MKNK2: variants seen among roughly 807,000 people sequenced by gnomAD.
The protein encoded by MKNK2 is MAP kinase-interacting serine/threonine-protein kinase 2.
Under a neutral mutation model 55.0 loss-of-function variants are expected in MKNK2, and 54 were observed. The observed-to-expected ratio is 0.98, with a 90% CI of 0.79 to 1.23. The LOEUF is 1.23. MKNK2 is among the 50% of genes most tolerant of loss of function. The pLI, the probability that MKNK2 is intolerant of heterozygous loss-of-function variation, is 0.00. For missense variants in MKNK2, 685 were observed against 632.1 expected, an observed-to-expected ratio of 1.08 and a Z score of -0.90; for synonymous variants, 323 against 256.0, an observed-to-expected ratio of 1.26 and a Z score of -2.50.
chr19:2,041,100 G>C lies in MKNK2; in HGVS notation c.1050C>G (p.Val350=). The change falls in exon 12 of 14, where the codon GTC becomes GTG. Residue 350 remains valine, a synonymous_variant. Transcript: ENST00000250896. The part of the protein sequence containing the change: ...AAKDLISKLL[V]RDAKQRLSAA... ...CACTCAGCCTCTGCTTGGCGTCACG[G>C]ACCAGCAGCTTGGAGATGAGGTCTT... is the stretch of plus-strand genomic sequence containing the variant. The C allele has an allele frequency of 1.9e-6, 3 of 1,614,056 alleles. No homozygotes were observed. Among genetic ancestry groups the C allele is most frequent in the Non-Finnish European group, 2.5e-6 (3 of 1,179,986 alleles).
rs1198864661 is a variant in MKNK2 at position 2,050,787 on chromosome 19, AC to A, written c.51+13del. 2.0e-6 allele frequency: 3 copies of A among 1,531,128 alleles called. No homozygotes were observed. The highest frequency in any genetic ancestry group is 2.6e-5 in the East Asian group (1 of 38,242). The allele number at this position is 1,531,128 out of a possible 1,614,324, so 94.8% of individuals were successfully genotyped here. On this transcript the variant is annotated intron_variant, in intron 2 of 13. Transcript: ENST00000250896. ...TCCAGCCCGGAGCGCCCCCAAACCGACCCCGGGCCTCACCTTGAACGAACGG... is the reference window on the plus strand; with the variant it reads ...TCCAGCCCGGAGCGCCCCCAAACCGACCCGGGCCTCACCTTGAACGAACGG...
chr19:2,045,419 G>A (rs902354648), intron 5 of MKNK2, among the ~76,000 whole-genome samples: 2 of 152,150 alleles, frequency 1.3e-5, no homozygotes. Flanking sequence ...CTGCCTGGGG[G>A]CTCCCAGGAG....
chr19:2,049,908 GACACAC>G, intron 2 of MKNK2, among the ~76,000 whole-genome samples: 1 of 151,978 alleles, frequency 6.6e-6, no homozygotes, highest in East Asian at 1.9e-4. Flanking sequence ...ACAAGACAGA[GACACAC>G]ACACACACAA....
At position 2,043,564 on chromosome 19, in the gene MKNK2, C is replaced by G; in HGVS notation, c.358G>C (p.Gly120Arg). The G allele has an allele frequency of 1.2e-6, 2 of 1,614,102 alleles. 1 individual carries two copies. Among genetic ancestry groups the G allele is most frequent in the Middle Eastern group, 3.3e-4 (2 of 6,062 alleles). Residue 120 changes from glycine (G) to arginine (R), a missense_variant, in exon 6 of 14, where the codon GGC (glycine) becomes CGC (arginine). Coordinates refer to ENST00000250896, the MANE Select transcript of MKNK2 (RefSeq NM_199054.3). ...YAVKIIEKQP[G>R]HIRSRVFREV... ...CTGAAAACCCTGCTCCGAATGTGGCCTGGCTGCTTCTCAATGATCTGAAAC... is the reference window on the plus strand; with the variant it reads ...CTGAAAACCCTGCTCCGAATGTGGCGTGGCTGCTTCTCAATGATCTGAAAC...
chr19:2,038,820 G>A lies in MKNK2; in HGVS notation c.*793C>T, dbSNP rs2287002. ...CGGTGGAAACGGCTTCGGGCCAGGC[G>A]GGGCTCCTGCTGTCTCAGGCCTTGG... On this transcript the variant is annotated 3_prime_UTR_variant, in exon 14 of 14. Transcript: ENST00000250896. 255,748 of 985,452 alleles carry A rather than the reference G, an allele frequency of 0.26. 35,522 individuals carry two copies. Among genetic ancestry groups the A allele is most frequent in the East Asian group, 0.51 (4,476 of 8,780 alleles). 61.0% of individuals were successfully genotyped at this position (985,452 alleles called of 1,614,324 possible).
chr19:2,046,171 G>T lies in MKNK2; in HGVS notation c.339+15C>A. On this transcript the variant is annotated intron_variant, in intron 5 of 13. Transcript: ENST00000250896. ...CCCAAGGCGCTGGGTTCCCCAGGGCGCGGCGCGGGCCCACCTTGACGGCGT... is the reference window on the plus strand; with the variant it reads ...CCCAAGGCGCTGGGTTCCCCAGGGCTCGGCGCGGGCCCACCTTGACGGCGT... The T allele has an allele frequency of 6.2e-7, 1 of 1,606,370 alleles. No homozygotes were observed. The highest frequency in any genetic ancestry group is 8.5e-7 in the Non-Finnish European group (1 of 1,179,038).
Position 2,037,963 on chromosome 19 carries a change from C to T in MKNK2, c.*1650G>A. ...TTTGATACAAAAAGGCAGAGAATCC[C>T]CCGTTACGAAACATGGAATCACTGA... On this transcript the variant is annotated 3_prime_UTR_variant, in exon 14 of 14. Coordinates refer to ENST00000250896, the MANE Select transcript of MKNK2 (RefSeq NM_199054.3). The T allele has an allele frequency of 2.2e-6, 3 of 1,382,610 alleles. No homozygotes were observed. Among genetic ancestry groups the T allele is most frequent in the Non-Finnish European group, 2.8e-6 (3 of 1,057,594 alleles). The allele number at this position is 1,382,610 out of a possible 1,614,324, so 85.6% of individuals were successfully genotyped here.
rs1464953872 is a variant in MKNK2 at position 2,041,084 on chromosome 19, T to C, written c.1066A>G (p.Arg356Gly). 6.2e-7 allele frequency: 1 copy of C among 1,614,018 alleles called. No individual in the cohort carries two copies. The highest frequency in any genetic ancestry group is 8.5e-7 in the Non-Finnish European group (1 of 1,179,946). ...SKLLVRDAKQ[R>G]LSAAQVLQHP... ...TGCAGGACTTGGGCGGCACTCAGCC[T>C]CTGCTTGGCGTCACGGACCAGCAGC... The change falls in exon 12 of 14, where the codon AGG (arginine) becomes GGG (glycine). Residue 356 changes from arginine (R) to glycine (G), a missense_variant. Physicochemically the swap from Arg to Gly is moderately radical, Grantham distance 125. Coordinates refer to ENST00000250896, the MANE Select transcript of MKNK2 (RefSeq NM_199054.3).
chr19:2,043,122 A>C lies in MKNK2; in HGVS notation c.493+2T>G, dbSNP rs1240896900. ...TCCTCACAGCCTGGAGCCCCCAGGT[A>C]CCTCCCCGCATCTTCTCAAACACCA... is the stretch of plus-strand genomic sequence containing the variant. On this transcript the variant is annotated splice_donor_variant, in intron 7 of 13. Transcript: ENST00000250896. LOFTEE classifies it high-confidence loss of function. 1 of 1,601,990 alleles carries C rather than the reference A, an allele frequency of 6.2e-7. No homozygotes were observed. Among genetic ancestry groups the C allele is most frequent in the Non-Finnish European group, 8.5e-7 (1 of 1,174,306 alleles).
Position 2,041,134 on chromosome 19 carries a change from CAGG to C in MKNK2, c.1013_1015del (p.Ser338del). On this transcript the variant is annotated inframe_deletion, in exon 12 of 14. Coordinates refer to ENST00000250896, the MANE Select transcript of MKNK2 (RefSeq NM_199054.3). ...CTTGGAGATGAGGTCTTTGGCAGCG[CAGG>C]AGATGTGGGCCCAGTCCTTGTCGGG... is the stretch of plus-strand genomic sequence containing the variant. 1.9e-6 allele frequency: 3 copies of C among 1,614,014 alleles called. No individual in the cohort carries two copies. The highest frequency in any genetic ancestry group is 2.5e-6 in the Non-Finnish European group (3 of 1,179,944).
Position 2,038,536 on chromosome 19 carries a change from C to A in MKNK2, c.*1077G>T. 1.0e-6 allele frequency: 1 copy of A among 985,650 alleles called. No homozygotes were observed. Among genetic ancestry groups the A allele is most frequent in the Non-Finnish European group, 1.2e-6 (1 of 830,056 alleles). 61.1% of individuals were successfully genotyped at this position (985,650 alleles called of 1,614,324 possible). ...GGTGCCCGAAGGGAGGCCGAGGCCG[C>A]AGCCGTTTTCCTGAAGGTGGCAGAC... On this transcript the variant is annotated 3_prime_UTR_variant, in exon 14 of 14. Coordinates refer to ENST00000250896, the MANE Select transcript of MKNK2 (RefSeq NM_199054.3).
At chr19:2,050,273 G>A (rs1267242477) in intron 2 of MKNK2, among the ~76,000 whole-genome samples, 1 of 152,206 alleles carries the variant, frequency 6.6e-6, no homozygotes, top group East Asian at 1.9e-4. Context: ...CCTCCCCCAC[G>A]GCACAGGCCC....
chr19:2,041,264 G>C lies in MKNK2; in HGVS notation c.946-60C>G, dbSNP rs930828389. 2.6e-6 allele frequency: 4 copies of C among 1,548,704 alleles called. 1 individual carries two copies. Among genetic ancestry groups the C allele is most frequent in the Admixed American group, 1.8e-5 (1 of 56,192 alleles). On this transcript the variant is annotated intron_variant, in intron 11 of 13. Transcript: ENST00000250896. ...CCCAAGGGCCTGGATACTGTGCACT[G>C]ACACGTGGCTCCAACCGGACCCCAA...
rs1361466051 is a variant in MKNK2 at position 2,041,981 on chromosome 19, C to T, written c.804G>A (p.Glu268=). Residue 268 remains glutamate (E), a synonymous_variant, in exon 11 of 14, where the codon GAG becomes GAA. Transcript: ENST00000250896. ...CGCAGCGCTTGTCGTAGATGCTAGC[C>T]TCCTCGCTGAAGGCCTCCACTACCT... ...APEVVEAFSE[E]ASIYDKRCDL... 6.4e-7 allele frequency: 1 copy of T among 1,560,678 alleles called. No individual in the cohort carries two copies. The highest frequency in any genetic ancestry group is 8.7e-7 in the Non-Finnish European group (1 of 1,153,386).
Position 2,038,719 on chromosome 19 carries a change from C to T in MKNK2, c.*894G>A. Reference sequence around the variant, plus strand: ...TCAGACTGAGCCCTGAGAAGGGGCACTCGGGTGCCCCAAGGGGGTGTCTTC... The same window carrying T: ...TCAGACTGAGCCCTGAGAAGGGGCATTCGGGTGCCCCAAGGGGGTGTCTTC... On this transcript the variant is annotated 3_prime_UTR_variant, in exon 14 of 14. Transcript: ENST00000250896. 1 of 985,588 alleles carries T rather than the reference C, an allele frequency of 1.0e-6. No homozygotes were observed. Among genetic ancestry groups the T allele is most frequent in the Non-Finnish European group, 1.2e-6 (1 of 829,990 alleles). 61.1% of individuals were successfully genotyped at this position (985,588 alleles called of 1,614,324 possible).
Position 2,041,063 on chromosome 19 carries a change from G to C in MKNK2, c.1087C>G (p.Leu363Val), listed in dbSNP as rs1434650691. The change falls in exon 12 of 14, where the codon CTG (leucine) becomes GTG (valine). Residue 363 changes from leucine to valine, a missense_variant. Leu to Val is a conservative substitution (Grantham distance 32). Transcript: ENST00000250896. ...ACCCCCTGAACCCAGGGGTGCTGCAGGACTTGGGCGGCACTCAGCCTCTGC... is the reference window on the plus strand; with the variant it reads ...ACCCCCTGAACCCAGGGGTGCTGCACGACTTGGGCGGCACTCAGCCTCTGC... ...AKQRLSAAQV[L>V]QHPWVQGCAP... 26 of 1,614,004 alleles carry C rather than the reference G, an allele frequency of 1.6e-5. No individual in the cohort carries two copies. Among genetic ancestry groups the C allele is most frequent in the Non-Finnish European group, 2.2e-5 (26 of 1,179,944 alleles).
intron 11 of MKNK2, among the ~76,000 whole-genome samples, 157 bp from the exon 12 acceptor site, chr19:2,041,361 C>T (rs566662982): frequency 6.6e-6 from 1 of 152,146 alleles, no homozygotes; most frequent in South Asian, 2.1e-4. Flanking sequence ...CCAGGAGAGT[C>T]AGCTCCACCC....
chr19:2,051,007 G>A (rs933075678), intron 1 of MKNK2, 60 bp from the exon 2 acceptor site: 26 of 424,754 alleles, frequency 6.1e-5, no homozygotes, highest in African/African-American at 5.0e-4. Context: ...CCAGGAGCGC[G>A]GACCGGGCGG....
intron 2 of MKNK2, among the ~76,000 whole-genome samples, chr19:2,047,940 C>A (rs1020363735): frequency 5.9e-5 from 9 of 152,152 alleles, no homozygotes; most frequent in African/African-American, 2.2e-4. Flanking sequence ...TGCACCTACG[C>A]CCCCGCCACC....
Sources: allele counts gnomAD v4.1 joint callset (sites outside exome capture counted in the v4.1 genomes callset), GRCh38; gene constraint gnomAD v4.1.1; transcripts MANE v1.5; gene names NCBI Gene and HGNC (gene_info 2026-07-23, HGNC 2026-07-21).